The following DSCAML1 variants were observed in gnomAD, a reference collection of about 807,000 sequenced individuals.
The protein encoded by DSCAML1 is cell adhesion molecule DSCAML1.
DSCAML1 carries 38 observed loss-of-function variants against 200.5 expected under a neutral mutation model. That is an observed-to-expected ratio of 0.19 (90% CI 0.15 to 0.25). The LOEUF (loss-of-function observed/expected upper bound fraction) is 0.25, where lower values mean the gene tolerates loss of function less well. DSCAML1 is among the 10% of genes least tolerant of loss of function. DSCAML1 has a pLI of 1.00. For synonymous variants in DSCAML1, 1,215 were observed against 1,165.0 expected, an observed-to-expected ratio of 1.04 and a Z score of -0.87; for missense variants, 2,223 against 2,858.8, an observed-to-expected ratio of 0.78 and a Z score of 5.07.
At position 117,489,051 on chromosome 11, in the gene DSCAML1, C is replaced by T. The variant is rs1037310540; in HGVS notation, c.2360-6889G>A. 6.6e-6 allele frequency among the ~76,000 whole-genome samples: 1 copy of T among 152,232 alleles called. No homozygotes were observed. Among genetic ancestry groups the T allele is most frequent in the Non-Finnish European group, 1.5e-5 (1 of 68,036 alleles). On this transcript the variant is annotated intron_variant, in intron 11 of 32. Transcript: ENST00000651296. The surrounding 1 kb of genome is among the most constrained non-coding windows in gnomAD (Gnocchi z 4.8). Reference sequence around the variant, plus strand: ...CCACGAAAGCAAGTCTTATCATCTCCACTTTTCAAATGAGGAAACTGAGGC... The same window carrying T: ...CCACGAAAGCAAGTCTTATCATCTCTACTTTTCAAATGAGGAAACTGAGGC...
chr11:117,597,980 C>T (rs905398981), intron 3 of DSCAML1, among the ~76,000 whole-genome samples: 4 of 151,958 alleles, frequency 2.6e-5, no homozygotes, highest in Admixed American at 2.6e-4. Flanking sequence ...AGAAATATGC[C>T]TGGCCCAAAC....
chr11:117,437,775 C>T lies in DSCAML1; in HGVS notation c.4432+120G>A. 8.9e-7 allele frequency: 1 copy of T among 1,121,088 alleles called. No individual in the cohort carries two copies. The highest frequency in any genetic ancestry group is 1.2e-6 in the Non-Finnish European group (1 of 812,498). 69.4% of individuals were successfully genotyped at this position (1,121,088 alleles called of 1,614,324 possible). On this transcript the variant is annotated intron_variant, in intron 25 of 32. Coordinates refer to ENST00000651296, the MANE Select transcript of DSCAML1 (RefSeq NM_020693.4). The surrounding 1 kb of genome is among the most constrained non-coding windows in gnomAD (Gnocchi z 5.3). ...AGGCTGAGGCTCCTCCCTTCAGTCT[C>T]CCTGCATCCCTGGACCCCTCCTTCC...
intron 3 of DSCAML1, among the ~76,000 whole-genome samples, chr11:117,707,532 A>T (rs535903713): frequency 5.9e-4 from 89 of 151,368 alleles, no homozygotes; most frequent in Non-Finnish European, 1.0e-3. Context: ...TTTTCTTTTT[A>T]TTCTTTTTTT....
intron 3 of DSCAML1, among the ~76,000 whole-genome samples, chr11:117,578,250 A>AG (rs1156401715): frequency 6.6e-6 from 1 of 151,014 alleles, no homozygotes; most frequent in African/African-American, 2.4e-5. Flanking sequence ...AAAAAAAAAA[A>AG]AAAAAAGAAG....
chr11:117,684,435 TAAAA>T (rs149958154), intron 3 of DSCAML1, among the ~76,000 whole-genome samples: 4 of 74,596 alleles, frequency 5.4e-5, no homozygotes, highest in Admixed American at 1.8e-4. Context: ...TTTCATTAAC[TAAAA>T]AAAAAAAAAA....
intron 3 of DSCAML1, among the ~76,000 whole-genome samples, chr11:117,670,034 G>A (rs1412441355): frequency 2.0e-5 from 3 of 152,346 alleles, no homozygotes; most frequent in Admixed American, 1.3e-4. Flanking sequence ...AGTTTTCAGC[G>A]ACCTTTGTCT....
intron 3 of DSCAML1, among the ~76,000 whole-genome samples, chr11:117,544,769 G>A (rs116747738): frequency 0.017 from 2,525 of 152,256 alleles, 55 homozygotes; most frequent in African/African-American, 0.055. Flanking sequence ...AGGCCAGGCT[G>A]GCTCTAGGTT....
At chr11:117,724,247 C>T (rs1453317717) in intron 3 of DSCAML1, among the ~76,000 whole-genome samples, 1 of 152,188 alleles carries the variant, frequency 6.6e-6, no homozygotes, top group Non-Finnish European at 1.5e-5. Context: ...GCATGCACTT[C>T]GCTGAGGCCA....
intron 3 of DSCAML1, 146 bp downstream of exon 3, chr11:117,776,645 A>G (rs1285711150): frequency 2.2e-5 from 22 of 1,015,330 alleles, no homozygotes; most frequent in South Asian, 1.5e-4. Context: ...TTTTTGGCCA[A>G]AGCTTCACCA....
At chr11:117,552,437 C>T (rs771771402) in intron 3 of DSCAML1, among the ~76,000 whole-genome samples, 3 of 152,102 alleles carry the variant, frequency 2.0e-5, no homozygotes, top group South Asian at 4.2e-4. Flanking sequence ...ACCCCCCTCT[C>T]CCCTGCCCCC....
intron 3 of DSCAML1, among the ~76,000 whole-genome samples, chr11:117,631,015 G>A (rs1275325284): frequency 6.6e-6 from 1 of 152,212 alleles, no homozygotes; most frequent in Non-Finnish European, 1.5e-5. Context: ...GCACATAGTG[G>A]GCACTCAATA....
chr11:117,786,740 C>G (rs2055360253), intron 1 of DSCAML1, among the ~76,000 whole-genome samples: 1 of 152,182 alleles, frequency 6.6e-6, no homozygotes, highest in Non-Finnish European at 1.5e-5. Flanking sequence ...GCCACCTCCA[C>G]TGGGAGATGA....
intron 1 of DSCAML1, among the ~76,000 whole-genome samples, chr11:117,791,502 T>C (rs1343368334): frequency 6.6e-6 from 1 of 152,230 alleles, no homozygotes; most frequent in African/African-American, 2.4e-5. Flanking sequence ...CTTTGGCAGA[T>C]ATGAGACCAA....
chr11:117,703,640 T>A (rs1591420110), intron 3 of DSCAML1, among the ~76,000 whole-genome samples: 1 of 152,184 alleles, frequency 6.6e-6, no homozygotes, highest in Non-Finnish European at 1.5e-5. Flanking sequence ...AATCAAGGTA[T>A]CCCCTTCACT....
intron 3 of DSCAML1, among the ~76,000 whole-genome samples, chr11:117,640,353 C>A (rs1346025538): frequency 6.6e-6 from 1 of 152,184 alleles, no homozygotes; most frequent in African/African-American, 2.4e-5. Flanking sequence ...ACCTATGTGA[C>A]CTGCTTTCAT....
intron 3 of DSCAML1, among the ~76,000 whole-genome samples, chr11:117,675,070 G>A (rs1047105693): frequency 6.6e-6 from 1 of 152,068 alleles, no homozygotes; most frequent in Non-Finnish European, 1.5e-5. Flanking sequence ...GCAAGTTATC[G>A]CCCATTCTGT....
At chr11:117,696,685 C>A (rs950811699) in intron 3 of DSCAML1, among the ~76,000 whole-genome samples, 1 of 152,114 alleles carries the variant, frequency 6.6e-6, no homozygotes, top group African/African-American at 2.4e-5. Context: ...CAGTGCTTAG[C>A]AGGGTGCCTG....
intron 3 of DSCAML1, among the ~76,000 whole-genome samples, chr11:117,740,398 A>G (rs2054399746): frequency 6.6e-6 from 1 of 152,180 alleles, no homozygotes; most frequent in South Asian, 2.1e-4. Context: ...CAATGATCCC[A>G]GTATGCCCAG....
intron 3 of DSCAML1, among the ~76,000 whole-genome samples, chr11:117,547,548 T>C (rs947728712): frequency 6.6e-6 from 1 of 152,112 alleles, no homozygotes; most frequent in Non-Finnish European, 1.5e-5. Context: ...GCTCTGCAGC[T>C]AGGAGGTGGT....
Sources: allele counts gnomAD v4.1 joint callset (sites outside exome capture counted in the v4.1 genomes callset), GRCh38; gene constraint gnomAD v4.1.1; non-coding constraint Gnocchi (gnomAD v3.1); transcripts MANE v1.5; gene names NCBI Gene and HGNC (gene_info 2026-07-23, HGNC 2026-07-21).